The following SIK3 variants were observed in gnomAD, a reference collection of about 807,000 sequenced individuals.
The protein encoded by SIK3 is SIK family kinase 3.
SIK3 carries 28 observed loss-of-function variants against 144.2 expected under a neutral mutation model. That is an observed-to-expected ratio of 0.19 (90% confidence interval 0.14 to 0.27). The LOEUF is 0.27. Ranked by LOEUF, SIK3 falls within the 10% of genes least tolerant of loss-of-function variation. SIK3 has a pLI of 1.00. For missense variants in SIK3, 1,319 were observed against 1,776.0 expected (o/e 0.74, Z 4.62); for synonymous variants, 686 against 676.3 (o/e 1.01, Z -0.22).
intron 2 of SIK3, 131 bp from the exon 3 acceptor site, chr11:116,954,238 T>C (rs1305414134): frequency 2.7e-5 from 18 of 670,008 alleles, no homozygotes; most frequent in Non-Finnish European, 4.0e-5. Flanking sequence ...ATTTAAAACA[T>C]TTTTGGGGAA....
chr11:117,061,432 T>C lies in SIK3; in HGVS notation c.273+36711A>G, dbSNP rs557767930. On this transcript the variant is annotated intron_variant, in intron 1 of 24. Transcript: ENST00000445177. ...TCAGTCTGGCTCTTCCACTTAATGG[T>C]TGCGTCACTTTGGGTAAGTTATAAA... Among the ~76,000 whole-genome samples the C allele has an allele frequency of 2.6e-5, 4 of 152,270 alleles. No individual in the cohort carries two copies. The South Asian group carries it at 6.2e-4, about 24-fold the overall frequency.
chr11:117,050,895 G>T (rs1215737765), intron 1 of SIK3, among the ~76,000 whole-genome samples: 1 of 152,010 alleles, frequency 6.6e-6, no homozygotes, highest in Non-Finnish European at 1.5e-5. Context: ...AGGTAGAAAA[G>T]GTAACCAGAG....
chr11:116,902,253 C>T (rs1442193228), intron 4 of SIK3, among the ~76,000 whole-genome samples: 1 of 152,166 alleles, frequency 6.6e-6, no homozygotes, highest in Non-Finnish European at 1.5e-5. Context: ...TTAAATTCGC[C>T]TATAAGCAGA....
At position 116,938,974 on chromosome 11, in the gene SIK3, C is replaced by G. The variant is rs573933092; in HGVS notation, c.455-11594G>C. ...GTCTCCACTGGAGATTGCAGAGAAC[C>G]AATTCATTATTCTAAAAACTGATAC... On this transcript the variant is annotated intron_variant, in intron 3 of 24. Coordinates refer to ENST00000445177, the MANE Select transcript of SIK3 (RefSeq NM_001366686.3). Among the ~76,000 whole-genome samples, 6 of 152,130 alleles carry G rather than the reference C, an allele frequency of 3.9e-5. No homozygotes were observed. The East Asian group carries it at 1.2e-3, about 29-fold the overall frequency.
At chr11:116,924,210 C>T (rs1336018922) in intron 4 of SIK3, among the ~76,000 whole-genome samples, 1 of 151,536 alleles carries the variant, frequency 6.6e-6, no homozygotes, top group Non-Finnish European at 1.5e-5. Flanking sequence ...AGGAGAATCG[C>T]TTGAACCTGG....
At chr11:116,965,769 AT>A (rs1949516460) in intron 1 of SIK3, among the ~76,000 whole-genome samples, 4 of 75,182 alleles carry the variant, frequency 5.3e-5, no homozygotes, top group African/African-American at 1.3e-4. Flanking sequence ...ATATATATAT[AT>A]ATATATATAT....
intron 14 of SIK3, 105 bp from the exon 15 acceptor site, chr11:116,868,194 G>C: frequency 7.1e-7 from 1 of 1,416,874 alleles, no homozygotes; most frequent in Non-Finnish European, 9.7e-7. Context: ...AATAGTGCCA[G>C]AGCTCACGAA....
intron 1 of SIK3, among the ~76,000 whole-genome samples, chr11:117,009,553 C>CA (rs528305621): frequency 0.052 from 6,862 of 130,818 alleles, 504 homozygotes; most frequent in African/African-American, 0.17. Flanking sequence ...AAGCAGGTCT[C>CA]AAAAAAAAAA....
At chr11:116,962,690 T>C (rs960290142) in intron 1 of SIK3, among the ~76,000 whole-genome samples, 1 of 152,180 alleles carries the variant, frequency 6.6e-6, no homozygotes, top group Non-Finnish European at 1.5e-5. Flanking sequence ...TACAGTGTAA[T>C]ACAGTAGGCA....
intron 6 of SIK3, among the ~76,000 whole-genome samples, chr11:116,895,232 G>C (rs975091715): frequency 6.6e-6 from 1 of 151,954 alleles, no homozygotes; most frequent in East Asian, 1.9e-4. Context: ...CTCCATCCCC[G>C]CGGCCTCTGC....
intron 4 of SIK3, among the ~76,000 whole-genome samples, chr11:116,923,708 C>G (rs1361230619): frequency 6.6e-6 from 1 of 152,154 alleles, no homozygotes; most frequent in African/African-American, 2.4e-5. Flanking sequence ...TAAAAATGTA[C>G]GCTTTGGGTT....
intron 1 of SIK3, among the ~76,000 whole-genome samples, chr11:117,064,755 A>G (rs1953935322): frequency 6.6e-6 from 1 of 152,214 alleles, no homozygotes; most frequent in South Asian, 2.1e-4. Context: ...AGCTCTCTTC[A>G]AACACTAAAA....
intron 1 of SIK3, among the ~76,000 whole-genome samples, chr11:117,015,262 A>C (rs1951470083): frequency 6.6e-6 from 1 of 152,106 alleles, no homozygotes; most frequent in Non-Finnish European, 1.5e-5. Context: ...TTCCTACTAC[A>C]TTAGGAATTT....
chr11:116,931,125 C>T (rs1947581865), intron 3 of SIK3, among the ~76,000 whole-genome samples: 1 of 152,102 alleles, frequency 6.6e-6, no homozygotes, highest in African/African-American at 2.4e-5. Context: ...TTTGGTCTGC[C>T]CTTCCTTGCA....
chr11:116,976,260 C>G (rs1034477385), intron 1 of SIK3, among the ~76,000 whole-genome samples: 1 of 152,160 alleles, frequency 6.6e-6, no homozygotes, highest in Non-Finnish European at 1.5e-5. Context: ...TTTTGGTAGT[C>G]TATTTAAGAA....
At chr11:116,966,627 T>C (rs1305988960) in intron 1 of SIK3, among the ~76,000 whole-genome samples, 1 of 152,156 alleles carries the variant, frequency 6.6e-6, no homozygotes, top group Non-Finnish European at 1.5e-5. Context: ...TTTTTCGTTT[T>C]TGAATTAGGG....
At chr11:116,847,778 G>T (rs1409767787) in intron 22 of SIK3, among the ~76,000 whole-genome samples, 170 bp from the exon 23 acceptor site, 1 of 152,208 alleles carries the variant, frequency 6.6e-6, no homozygotes, top group Non-Finnish European at 1.5e-5. Flanking sequence ...CAGCGACAGT[G>T]TGGGAAGCTG....
chr11:117,046,530 T>G (rs1952973558), intron 1 of SIK3, among the ~76,000 whole-genome samples: 1 of 152,210 alleles, frequency 6.6e-6, no homozygotes, highest in Non-Finnish European at 1.5e-5. Flanking sequence ...AATCTATGTC[T>G]ATTTAGAACT....
intron 1 of SIK3, among the ~76,000 whole-genome samples, chr11:116,999,423 C>T (rs1396667742): frequency 6.6e-6 from 1 of 152,154 alleles, no homozygotes; most frequent in Non-Finnish European, 1.5e-5. Flanking sequence ...TTCCTCTGAG[C>T]ACAGGGCAAT....
Sources: gnomAD v4.1 joint callset for allele counts (sites outside exome capture counted in the v4.1 genomes callset) on GRCh38, gnomAD v4.1.1 for gene constraint, MANE v1.5 for transcripts, NCBI Gene and HGNC (gene_info 2026-07-23, HGNC 2026-07-21) for gene names.